Variants in SRPRA observed in about 807,000 individuals in gnomAD.
SRPRA encodes the protein SRP receptor subunit alpha.
SRPRA carries 30 observed loss-of-function variants against 61.1 expected under a neutral mutation model. The observed-to-expected ratio is 0.49, with a 90% CI of 0.37 to 0.67. The LOEUF is 0.67. Among genes scored for constraint, SRPRA ranks in the 30% least tolerant of loss-of-function variants. SRPRA has a pLI of 0.00. For missense variants in SRPRA, 759 were observed against 828.4 expected, an observed-to-expected ratio of 0.92 and a Z score of 1.03; for synonymous variants, 324 against 299.7, an observed-to-expected ratio of 1.08 and a Z score of -0.84.
Position 126,264,815 on chromosome 11 carries a change from G to A in SRPRA, c.1525+144C>T, listed in dbSNP as rs1319666632. The A allele has an allele frequency of 7.0e-6, 6 of 859,610 alleles. No homozygotes were observed. Among genetic ancestry groups the A allele is most frequent in the Non-Finnish European group, 1.0e-5 (6 of 571,432 alleles). The allele number at this position is 859,610 out of a possible 1,614,324, so 53.2% of individuals were successfully genotyped here. A position where few individuals can be genotyped will look rare whatever the true frequency, so the allele number is the denominator to read the frequency against. On this transcript the variant is annotated intron_variant, in intron 11 of 13. Coordinates refer to ENST00000332118, the MANE Select transcript of SRPRA (RefSeq NM_003139.4). This position sits in a 1 kb window ranked among gnomAD's most constrained non-coding sequence, Gnocchi z 5.0. Reference sequence around the variant, plus strand: ...ACTACATCTGTTATCCAAAAGCAGAGCATGGCAAGTAACTGATCTGACTTT... The same window carrying A: ...ACTACATCTGTTATCCAAAAGCAGAACATGGCAAGTAACTGATCTGACTTT...
At chr11:126,249,137 C>G in the SRPRA span, among the ~76,000 whole-genome samples, 65 of 152,228 alleles carry the variant, frequency 4.3e-4, 5 homozygotes, top group East Asian at 0.012. Context: ...CTTTGGGAGG[C>G]TGAGGTGGGA....
rs750879164 is a variant in SRPRA at position 126,263,973 on chromosome 11, G to A, written c.1860C>T (p.Tyr620=). The A allele has an allele frequency of 6.2e-7, 1 of 1,614,258 alleles. No individual in the cohort carries two copies. Among genetic ancestry groups the A allele is most frequent in the Non-Finnish European group, 8.5e-7 (1 of 1,180,050 alleles). The part of the protein sequence containing the change: ...PIVFVGTGQT[Y]CDLRSLNAKA... ...TGGCATTGAGGCTGCGTAGGTCACA[G>A]TAGGTCTGGCCGGTGCCCACAAAGA... Residue 620 remains tyrosine, a synonymous_variant, in exon 14 of 14, where the codon TAC becomes TAT. Transcript: ENST00000332118.
chr11:126,249,731 C>CAAAAAAAAAA, the SRPRA span, among the ~76,000 whole-genome samples: 23 of 79,008 alleles, frequency 2.9e-4, 1 homozygote, highest in Non-Finnish European at 4.8e-4. Flanking sequence ...GACTCCGTCT[C>CAAAAAAAAAA]AAAAAAAAAA....
the SRPRA span, among the ~76,000 whole-genome samples, chr11:126,243,516 A>G: frequency 6.6e-6 from 1 of 152,058 alleles, no homozygotes; most frequent in Non-Finnish European, 1.5e-5. Context: ...TCTTAGGAAC[A>G]TGGACACAAA....
At chr11:126,237,225 T>TTTTTC in the SRPRA span, among the ~76,000 whole-genome samples, 1 of 107,878 alleles carries the variant, frequency 9.3e-6, no homozygotes, top group Non-Finnish European at 1.9e-5. Context: ...CTTTTTTTTT[T>TTTTTC]TTTTTTTTTT....
rs773873037 is a variant in SRPRA, at chr11:126,267,276, G to C, written c.425C>G (p.Ser142Cys). 3.7e-6 allele frequency: 6 copies of C among 1,613,960 alleles called. No individual in the cohort carries two copies. The highest frequency in any genetic ancestry group is 2.2e-5 in the East Asian group (1 of 44,872). The change falls in exon 4 of 14, where the codon TCT becomes TGT. Residue 142 changes from serine (S) to cysteine (C), a missense_variant. This residue lies in a region of SRPRA where 475 missense variants were observed against 462.5 expected (regional missense o/e 1.03). Transcript: ENST00000332118. This position sits in a 1 kb window ranked among gnomAD's most constrained non-coding sequence, Gnocchi z 4.2. ...CCTCACAGGTTTCTTGGCCTTTTCA[G>C]AATCTTCAAATTTCTTCATGGTAGT... ...APTTMKKFED[S>C]EKAKKPVRSM... is the part of the protein sequence containing the mutation.
chr11:126,268,616 A>G, intron 1 of SRPRA, 72 bp downstream of exon 1: 1 of 1,303,976 alleles, frequency 7.7e-7, no homozygotes, highest in Non-Finnish European at 1.1e-6. Flanking sequence ...GAGGCGCGGA[A>G]TAGAGTCGAA....
chr11:126,254,538 ACG>A, the SRPRA span: 2 of 1,473,606 alleles, frequency 1.4e-6, no homozygotes, highest in Non-Finnish European at 1.9e-6. Context: ...TTAAGTGAAA[ACG>A]GAAGGTCAGG....
Position 126,263,711 on chromosome 11 carries a change from G to T in SRPRA, c.*205C>A. On this transcript the variant is annotated 3_prime_UTR_variant, in exon 14 of 14. Coordinates refer to ENST00000332118, the MANE Select transcript of SRPRA (RefSeq NM_003139.4). ...GAGGCCCGCTGGGAGAGGGTCAGTG[G>T]GCAGTGATTGTAACATGATTAGGCC... 4.4e-6 allele frequency: 3 copies of T among 680,568 alleles called. No homozygotes were observed. The highest frequency in any genetic ancestry group is 7.3e-6 in the Non-Finnish European group (3 of 410,736). 42.2% of individuals were successfully genotyped at this position (680,568 alleles called of 1,614,324 possible). A position where few individuals can be genotyped will look rare whatever the true frequency, so the allele number is the denominator to read the frequency against.
downstream of SRPRA, chr11:126,262,278 G>T: frequency 1.4e-6 from 1 of 697,792 alleles, no homozygotes; most frequent in Non-Finnish European, 2.4e-6. Flanking sequence ...GAAGAGGGGG[G>T]AATGTTGCAG....
chr11:126,238,140 T>A, the SRPRA span, among the ~76,000 whole-genome samples: 1 of 152,088 alleles, frequency 6.6e-6, no homozygotes, highest in Non-Finnish European at 1.5e-5. Context: ...GGCAGGCGGA[T>A]CACTTGAGGT....
chr11:126,261,646 T>A (rs552793850), downstream of SRPRA, among the ~76,000 whole-genome samples: 6 of 152,352 alleles, frequency 3.9e-5, no homozygotes, highest in East Asian at 1.2e-3. Context: ...GGATTCTATC[T>A]TTTCCTATCA....
At chr11:126,261,324 T>C, downstream of SRPRA, 1 of 899,746 alleles carries the variant, frequency 1.1e-6, no homozygotes. Context: ...CCCATTCCTT[T>C]TCAGTCGTAC....
rs1950799340 is a variant in SRPRA at position 126,265,839 on chromosome 11, C to T, written c.1052-16G>A. 2.5e-6 allele frequency: 4 copies of T among 1,614,146 alleles called. No individual in the cohort carries two copies. Among genetic ancestry groups the T allele is most frequent in the Non-Finnish European group, 3.4e-6 (4 of 1,179,972 alleles). ...ACGTTCTTAGCTGAGGAGAGGGGGA[C>T]AGGTATGTCAGTTCCATGTCAGCAA... On this transcript the variant is annotated splice_polypyrimidine_tract_variant and intron_variant, in intron 8 of 13. Coordinates refer to ENST00000332118, the MANE Select transcript of SRPRA (RefSeq NM_003139.4). This position sits in a 1 kb window ranked among gnomAD's most constrained non-coding sequence, Gnocchi z 6.3.
At chr11:126,249,783 A>T in the SRPRA span, among the ~76,000 whole-genome samples, 1 of 151,702 alleles carries the variant, frequency 6.6e-6, no homozygotes, top group Admixed American at 6.6e-5. Context: ...CCAAACCACA[A>T]TTAGGGCTGT....
chr11:126,264,150 T>C lies in SRPRA; in HGVS notation c.1788+41A>G, dbSNP rs576370237. ...AGATTTCCTTGCAGCCTCAGCTCCT[T>C]TGTGCAGGACGCCCATTCCAGCCTC... On this transcript the variant is annotated intron_variant, in intron 13 of 13. Coordinates refer to ENST00000332118, the MANE Select transcript of SRPRA (RefSeq NM_003139.4). The surrounding 1 kb of genome is among the most constrained non-coding windows in gnomAD (Gnocchi z 5.0). 287 of 1,612,586 alleles carry C rather than the reference T, an allele frequency of 1.8e-4. 2 individuals carry two copies. In the South Asian group the frequency reaches 2.8e-3, roughly 16 times the overall value.
chr11:126,268,883 C>G lies in SRPRA; in HGVS notation c.-79G>C. 1.7e-6 allele frequency: 2 copies of G among 1,199,698 alleles called. No homozygotes were observed. The highest frequency in any genetic ancestry group is 2.5e-6 in the Non-Finnish European group (2 of 814,340). The allele number at this position is 1,199,698 out of a possible 1,614,324, so 74.3% of individuals were successfully genotyped here. A position where few individuals can be genotyped will look rare whatever the true frequency, so the allele number is the denominator to read the frequency against. The stretch of plus-strand genomic sequence containing the variant: ...CCGCCGCTTCCTGCTGCGCCAAGCG[C>G]GGGACACGTCACACCAGTGGCCCCG... On this transcript the variant is annotated 5_prime_UTR_variant, in exon 1 of 14. Coordinates refer to ENST00000332118, the MANE Select transcript of SRPRA (RefSeq NM_003139.4).
At chr11:126,241,088 A>AT in the SRPRA span, 1 of 1,511,922 alleles carries the variant, frequency 6.6e-7, no homozygotes, top group Non-Finnish European at 8.9e-7. Context: ...ATTTCCTAAA[A>AT]TTTAACTATC....
chr11:126,268,790 G>T lies in SRPRA; in HGVS notation c.15C>A (p.Phe5Leu). 1.2e-6 allele frequency: 2 copies of T among 1,613,650 alleles called. No individual in the cohort carries two copies. The highest frequency in any genetic ancestry group is 1.7e-6 in the Non-Finnish European group (2 of 1,180,006). MLDF[F>L]TIFSKGGLVL... The stretch of plus-strand genomic sequence containing the variant: ...CAAGCCCGCCCTTGGAGAAAATGGT[G>T]AAGAAGTCGAGCATGGCGGCAGCGG... Residue 5 changes from phenylalanine to leucine, a missense_variant, in exon 1 of 14, where the codon TTC becomes TTA. Physicochemically the swap from Phe to Leu is conservative, Grantham distance 22. Coordinates refer to ENST00000332118, the MANE Select transcript of SRPRA (RefSeq NM_003139.4).
Sources: allele counts gnomAD v4.1 joint callset (sites outside exome capture counted in the v4.1 genomes callset), GRCh38; gene constraint gnomAD v4.1.1; regional missense constraint gnomAD v4.1.1; non-coding constraint Gnocchi (gnomAD v3.1); transcripts MANE v1.5; gene names NCBI Gene and HGNC (gene_info 2026-07-23, HGNC 2026-07-21).